The following RPA3 variants were observed in gnomAD, a reference collection of about 807,000 sequenced individuals.
RPA3 encodes replication protein A3, also known as replication protein A 14 kDa subunit.
A neutral mutation model predicts 13.7 loss-of-function variants in RPA3; 24 were observed. The ratio of observed to expected loss-of-function variants is 1.75; its 90% confidence interval spans 1.27 to 2.46. The LOEUF is 2.46. Among genes scored for constraint, RPA3 ranks in the 30% most tolerant of loss-of-function variants. RPA3 has a pLI of 0.00. For missense variants in RPA3, 183 were observed against 151.0 expected, an observed-to-expected ratio of 1.21 and a Z score of -1.11; for synonymous variants, 59 against 51.2, an observed-to-expected ratio of 1.15 and a Z score of -0.65.
At chr7:7,708,087 T>C (rs1435863591) in intron 2 of RPA3, among the ~76,000 whole-genome samples, 1 of 152,180 alleles carries the variant, frequency 6.6e-6, no homozygotes. Flanking sequence ...GTCATTCTTC[T>C]CTTAGCCTCC....
chr7:7,638,947 G>C (rs1228367293), intron 6 of RPA3, 123 bp downstream of exon 6: 2 of 598,674 alleles, frequency 3.3e-6, no homozygotes, highest in East Asian at 3.1e-5. Flanking sequence ...TTTACAGCCA[G>C]GGACGTTTTA....
At chr7:7,708,229 G>C (rs1780655469) in intron 2 of RPA3, among the ~76,000 whole-genome samples, 1 of 152,124 alleles carries the variant, frequency 6.6e-6, no homozygotes, top group Admixed American at 6.6e-5. Context: ...ATTTTACATA[G>C]ATTCAAGTGG....
chr7:7,659,204 TA>T (rs1785415356), intron 4 of RPA3, among the ~76,000 whole-genome samples: 1 of 152,194 alleles, frequency 6.6e-6, no homozygotes, highest in African/African-American at 2.4e-5. Flanking sequence ...TTTTCTTCTT[TA>T]TTGGTCTTGC....
intron 4 of RPA3, among the ~76,000 whole-genome samples, chr7:7,645,300 A>G (rs906940674): frequency 2.0e-5 from 3 of 152,228 alleles, no homozygotes; most frequent in African/African-American, 7.2e-5. Context: ...AGCTGCATAA[A>G]CAAAAGTATC....
In RPA3 at chr7:7,674,095, C is replaced by G. The variant is rs116851827; in HGVS notation, c.-758+11735G>C. ...TCTTTGTATGCTCTTCCCAGAAATT[C>G]TCTTTCCAAAGTATGGTGTGGGGTA... On this transcript the variant is annotated intron_variant, in intron 4 of 7. Coordinates refer to ENST00000223129, the MANE Select transcript of RPA3 (RefSeq NM_002947.5). Among the ~76,000 whole-genome samples, 46 of 152,286 alleles carry G rather than the reference C, an allele frequency of 3.0e-4. No homozygotes were observed. The East Asian group carries it at 8.5e-3, about 28-fold the overall frequency.
rs970219880 is a variant in RPA3, at chr7:7,677,664, G to T, written c.-758+8166C>A. ...TCTTTATCTATTCATCTGTTTTTTT[G>T]TTTTTTTTTTTTTTTTTTTTTTTTT... On this transcript the variant is annotated intron_variant, in intron 4 of 7. Coordinates refer to ENST00000223129, the MANE Select transcript of RPA3 (RefSeq NM_002947.5). 2.9e-3 allele frequency among the ~76,000 whole-genome samples: 323 copies of T among 113,324 alleles called. 1 individual carries two copies. Among genetic ancestry groups the T allele is most frequent in the East Asian group, 0.018 (72 of 4,052 alleles). The allele number at this position is 113,324 out of a possible 152,430, so 74.3% of individuals were successfully genotyped here. A position where few individuals can be genotyped will look rare whatever the true frequency, so the allele number is the denominator to read the frequency against.
intron 2 of RPA3, among the ~76,000 whole-genome samples, chr7:7,693,441 G>T (rs1780229248): frequency 6.6e-6 from 1 of 151,964 alleles, no homozygotes; most frequent in Non-Finnish European, 1.5e-5. Flanking sequence ...CTTTCCAAGG[G>T]GAAAAGATGT....
At chr7:7,660,483 G>T (rs911877161) in intron 4 of RPA3, among the ~76,000 whole-genome samples, 1 of 152,180 alleles carries the variant, frequency 6.6e-6, no homozygotes, top group South Asian at 2.1e-4. Context: ...AGGAGTTCTT[G>T]TAAGGCAGGC....
chr7:7,712,913 C>A (rs1454434526), intron 2 of RPA3, among the ~76,000 whole-genome samples: 3 of 152,034 alleles, frequency 2.0e-5, no homozygotes, highest in African/African-American at 7.2e-5. Context: ...TAGAATTCAC[C>A]TGTAAAAATT....
At chr7:7,704,766 C>CAAAAA (rs71011001) in intron 2 of RPA3, among the ~76,000 whole-genome samples, 773 of 17,858 alleles carry the variant, frequency 0.043, 144 homozygotes, top group Non-Finnish European at 0.062. Context: ...GACTCCATCT[C>CAAAAA]AAAAAAAAAA....
chr7:7,642,825 T>C (rs1271331934), intron 4 of RPA3, among the ~76,000 whole-genome samples: 4 of 152,194 alleles, frequency 2.6e-5, no homozygotes, highest in Admixed American at 2.6e-4. Context: ...GTAAACACTA[T>C]CTTGAAATTT....
chr7:7,702,504 G>C (rs1780485340), intron 2 of RPA3, among the ~76,000 whole-genome samples: 1 of 151,944 alleles, frequency 6.6e-6, no homozygotes, highest in South Asian at 2.1e-4. Flanking sequence ...ATAAAATTCA[G>C]GTGTTCTTTT....
chr7:7,638,831 T>G (rs1281144554), intron 6 of RPA3: 1 of 368,504 alleles, frequency 2.7e-6, no homozygotes, highest in African/African-American at 2.1e-5. Flanking sequence ...GAATGAGAAT[T>G]GTTATCCAAC....
At chr7:7,661,576 C>T (rs1002580695) in intron 4 of RPA3, among the ~76,000 whole-genome samples, 8 of 152,146 alleles carry the variant, frequency 5.3e-5, no homozygotes, top group Admixed American at 4.6e-4. Flanking sequence ...TGCTGCAGGT[C>T]TGCTGAAGTT....
chr7:7,684,611 A>G (rs970750423), intron 4 of RPA3, among the ~76,000 whole-genome samples: 2 of 152,178 alleles, frequency 1.3e-5, no homozygotes, highest in African/African-American at 4.8e-5. Context: ...TTGAAACCTT[A>G]GATGTTTTTT....
chr7:7,689,862 G>C (rs1214260814), intron 2 of RPA3, among the ~76,000 whole-genome samples: 2 of 152,134 alleles, frequency 1.3e-5, no homozygotes, highest in Non-Finnish European at 2.9e-5. Context: ...CCATATTACT[G>C]CTACAAAGCA....
At position 7,639,159 on chromosome 7, in the gene RPA3, T is replaced by G; in HGVS notation, c.100-15A>C. ...GTGGGATGAATCTAAAAACGAAACATATAATTAAAATCTCACTAAAACAAC... is the reference window on the plus strand; with the variant it reads ...GTGGGATGAATCTAAAAACGAAACAGATAATTAAAATCTCACTAAAACAAC... On this transcript the variant is annotated splice_polypyrimidine_tract_variant and intron_variant, in intron 5 of 7. Transcript: ENST00000223129. The G allele has an allele frequency of 6.3e-7, 1 of 1,598,678 alleles. No individual in the cohort carries two copies.
At chr7:7,680,327 T>G (rs533368930) in intron 4 of RPA3, among the ~76,000 whole-genome samples, 1 of 152,314 alleles carries the variant, frequency 6.6e-6, no homozygotes, top group South Asian at 2.1e-4. Flanking sequence ...CTTGGCACCC[T>G]TGTTGAAAAT....
At chr7:7,673,439 G>A in intron 4 of RPA3, 1 of 911,560 alleles carries the variant, frequency 1.1e-6, no homozygotes, top group Non-Finnish European at 1.7e-6. Context: ...GAAGCAGATG[G>A]ATTCGTCCTT....
Sources: gnomAD v4.1 joint callset for allele counts (sites outside exome capture counted in the v4.1 genomes callset) on GRCh38, gnomAD v4.1.1 for gene constraint, MANE v1.5 for transcripts, NCBI Gene and HGNC (gene_info 2026-07-23, HGNC 2026-07-21) for gene names.